The following DRC8 variants were observed in gnomAD, a reference collection of about 807,000 sequenced individuals.
The protein encoded by DRC8 is dynein regulatory complex protein 8.
chr1:244,976,143 C>T, the DRC8 span, among the ~76,000 whole-genome samples: 1 of 151,852 alleles, frequency 6.6e-6, no homozygotes, highest in African/African-American at 2.4e-5. Context: ...GTGGTGGTTG[C>T]CTGTTATCCC....
the DRC8 span, among the ~76,000 whole-genome samples, chr1:245,057,850 AT>A: frequency 6.6e-6 from 1 of 152,032 alleles, no homozygotes; most frequent in Non-Finnish European, 1.5e-5. Context: ...GTTCACTCTA[AT>A]TTTCCTACTG....
At chr1:245,024,095 G>A in the DRC8 span, among the ~76,000 whole-genome samples, 1 of 152,070 alleles carries the variant, frequency 6.6e-6, no homozygotes, top group African/African-American at 2.4e-5. Flanking sequence ...GTTTGAACCC[G>A]GGAGACGGTG....
chr1:245,057,371 T>C, the DRC8 span, among the ~76,000 whole-genome samples: 1 of 152,222 alleles, frequency 6.6e-6, no homozygotes, highest in East Asian at 1.9e-4. Flanking sequence ...GTAAAATTAA[T>C]TTTAACAACG....
At chr1:245,067,977 G>A in the DRC8 span, among the ~76,000 whole-genome samples, 2 of 151,830 alleles carry the variant, frequency 1.3e-5, no homozygotes, top group African/African-American at 4.8e-5. Context: ...AGAGCTGATG[G>A]TACTTTGCAG....
the DRC8 span, among the ~76,000 whole-genome samples, chr1:244,997,508 T>C: frequency 5.9e-5 from 9 of 151,804 alleles, no homozygotes; most frequent in Admixed American, 5.2e-4. Context: ...TTCTTCTTCC[T>C]TTGAAATTCG....
the DRC8 span, chr1:244,970,438 G>C: frequency 2.6e-6 from 4 of 1,533,542 alleles, no homozygotes; most frequent in East Asian, 2.5e-5. Flanking sequence ...GAGAAGGACA[G>C]GGAAGGTAAG....
chr1:245,014,261 T>G, the DRC8 span, among the ~76,000 whole-genome samples: 14 of 152,132 alleles, frequency 9.2e-5, no homozygotes, highest in African/African-American at 3.4e-4. Context: ...TAGGGTTAAG[T>G]CTTTATTATT....
At chr1:244,998,328 C>T in the DRC8 span, among the ~76,000 whole-genome samples, 1 of 152,196 alleles carries the variant, frequency 6.6e-6, no homozygotes, top group Admixed American at 6.5e-5. Flanking sequence ...CCCACCTCAG[C>T]CTCCTGAGTA....
At chr1:245,024,639 C>T in the DRC8 span, among the ~76,000 whole-genome samples, 1 of 151,302 alleles carries the variant, frequency 6.6e-6, no homozygotes, top group Admixed American at 6.6e-5. Context: ...CCTCTGCCTC[C>T]TGGGTTCATG....
At chr1:245,103,105 G>A in the DRC8 span, among the ~76,000 whole-genome samples, 1 of 145,718 alleles carries the variant, frequency 6.9e-6, no homozygotes, top group Non-Finnish European at 1.5e-5. Context: ...ATGGTCAGGA[G>A]GGAGACCAGA....
At chr1:245,121,376 G>T in the DRC8 span, among the ~76,000 whole-genome samples, 2 of 152,190 alleles carry the variant, frequency 1.3e-5, no homozygotes, top group Admixed American at 1.3e-4. Flanking sequence ...CTTGATCCAG[G>T]GCTCAGATGC....
the DRC8 span, among the ~76,000 whole-genome samples, chr1:245,072,938 A>G: frequency 6.6e-6 from 1 of 151,966 alleles, no homozygotes; most frequent in Non-Finnish European, 1.5e-5. Context: ...AGGCCTCCCA[A>G]GAAACCAAGC....
At chr1:245,078,452 A>AAACAAAGGTGTGT in the DRC8 span, among the ~76,000 whole-genome samples, 1 of 151,898 alleles carries the variant, frequency 6.6e-6, no homozygotes, top group African/African-American at 2.4e-5. Flanking sequence ...ATGAGTGGAT[A>AAACAAAGGTGTGT]GTATATGTAC....
the DRC8 span, chr1:245,017,459 T>C: frequency 2.1e-6 from 2 of 941,218 alleles, no homozygotes; most frequent in Non-Finnish European, 3.0e-6. Context: ...TTTTCCATGC[T>C]CCGTAAAAGG....
the DRC8 span, among the ~76,000 whole-genome samples, chr1:245,015,355 CT>C: frequency 1.1e-4 from 16 of 152,324 alleles, no homozygotes; most frequent in African/African-American, 3.6e-4. Context: ...TAACCCTTTT[CT>C]TTCTCTCTGC....
At chr1:245,074,066 A>G in the DRC8 span, among the ~76,000 whole-genome samples, 2 of 152,372 alleles carry the variant, frequency 1.3e-5, no homozygotes, top group South Asian at 4.1e-4. Flanking sequence ...TACATACATG[A>G]TCTGAAACAT....
At chr1:244,996,167 G>A in the DRC8 span, among the ~76,000 whole-genome samples, 1 of 152,200 alleles carries the variant, frequency 6.6e-6, no homozygotes, top group Admixed American at 6.5e-5. Context: ...GCCGTAATCT[G>A]ATGGATTGGT....
chr1:245,044,744 GTGTT>G, the DRC8 span, among the ~76,000 whole-genome samples: 1,943 of 151,752 alleles, frequency 0.013, 25 homozygotes, highest in Non-Finnish European at 0.02. Flanking sequence ...TTGTGTGTGT[GTGTT>G]TGTGTATTTT....
chr1:245,078,487 A>G, the DRC8 span, among the ~76,000 whole-genome samples: 1 of 152,216 alleles, frequency 6.6e-6, no homozygotes, highest in Non-Finnish European at 1.5e-5. Flanking sequence ...ATGTAATGGA[A>G]TATTATTCAG....
Sources: allele counts gnomAD v4.1 joint callset (sites outside exome capture counted in the v4.1 genomes callset), GRCh38; gene constraint gnomAD v4.1.1; transcripts MANE v1.5; gene names NCBI Gene and HGNC (gene_info 2026-07-23, HGNC 2026-07-21).